The following CFAP53 variants were observed in gnomAD, a reference collection of about 807,000 sequenced individuals.
The protein encoded by CFAP53 is cilia and flagella associated protein 53, also known as cilia- and flagella-associated protein 53.
In CFAP53, 62 loss-of-function variants were observed where a neutral mutation model predicts 59.7. The observed-to-expected ratio is 1.04, with a 90% CI of 0.85 to 1.28. The LOEUF is 1.28. CFAP53 is among the 50% of genes most tolerant of loss of function. CFAP53 has a pLI of 0.00. For missense variants in CFAP53, 629 were observed against 615.6 expected, an observed-to-expected ratio of 1.02 and a Z score of -0.23; for synonymous variants, 218 against 205.7, an observed-to-expected ratio of 1.06 and a Z score of -0.51.
chr18:50,233,824 T>C (rs1250616307), intron 7 of CFAP53, among the ~76,000 whole-genome samples: 1 of 152,118 alleles, frequency 6.6e-6, no homozygotes, highest in Non-Finnish European at 1.5e-5. Flanking sequence ...ATAGAAGAAA[T>C]TACTAACAAG....
chr18:50,250,901 T>C lies in CFAP53; in HGVS notation c.853A>G (p.Arg285Gly), dbSNP rs1409783076. ...TGTAGGGCTTTTTGCAAAATGGTCC[T>C]AGTTTCCTGCTTTGCCTTCTGTTTC... ...LKKQKAKQET[R>G]TILQKALQER... The change falls in exon 5 of 8, where the codon AGG becomes GGG. Residue 285 changes from arginine to glycine, a missense_variant. Transcript: ENST00000398545. 2 of 1,614,228 alleles carry C rather than the reference T, an allele frequency of 1.2e-6. No homozygotes were observed. Among genetic ancestry groups the C allele is most frequent in the South Asian group, 2.2e-5 (2 of 91,084 alleles).
intron 1 of CFAP53, among the ~76,000 whole-genome samples, chr18:50,264,689 C>G (rs1599134499): frequency 6.6e-6 from 1 of 152,226 alleles, no homozygotes; most frequent in Admixed American, 6.5e-5. Flanking sequence ...TGCACCAACT[C>G]TAACCTCCTC....
At chr18:50,259,506 A>AG (rs1296398030) in intron 3 of CFAP53, among the ~76,000 whole-genome samples, 1 of 152,094 alleles carries the variant, frequency 6.6e-6, no homozygotes, top group East Asian at 1.9e-4. Context: ...TACCAAAAAA[A>AG]AAAAAAAGAA....
chr18:50,259,474 G>A (rs2033872186), intron 3 of CFAP53, among the ~76,000 whole-genome samples: 1 of 151,006 alleles, frequency 6.6e-6, no homozygotes, highest in Non-Finnish European at 1.5e-5. Flanking sequence ...GGTTGGGGGT[G>A]GAGGTGGGGA....
intron 5 of CFAP53, among the ~76,000 whole-genome samples, chr18:50,248,358 C>T (rs1210361913): frequency 6.6e-6 from 1 of 152,192 alleles, no homozygotes; most frequent in Non-Finnish European, 1.5e-5. Context: ...AACTGGATTG[C>T]TCATGTATTG....
chr18:50,227,427 T>TTTTG lies in CFAP53; in HGVS notation c.1495_1498dup (p.Asn500ThrfsTer13), dbSNP rs1568148478. 1 of 1,614,140 alleles carries TTTTG rather than the reference T, an allele frequency of 6.2e-7. No homozygotes were observed. Among genetic ancestry groups the TTTTG allele is most frequent in the Non-Finnish European group, 8.5e-7 (1 of 1,180,000 alleles). On this transcript the variant is annotated frameshift_variant, in exon 8 of 8. Transcript: ENST00000398545. LOFTEE classifies it high-confidence loss of function. ...GCATGCCTTGCGCATGGGATGAATG[T>TTTTG]TTTGAGGCAGCACTTGATGGGTGGA...
At chr18:50,236,181 G>A (rs976933803) in intron 7 of CFAP53, among the ~76,000 whole-genome samples, 1 of 152,164 alleles carries the variant, frequency 6.6e-6, no homozygotes, top group African/African-American at 2.4e-5. Flanking sequence ...CTACCTTGGT[G>A]TTATCAAGTA....
chr18:50,258,026 AG>A (rs1162901725), intron 3 of CFAP53, among the ~76,000 whole-genome samples: 3 of 152,180 alleles, frequency 2.0e-5, no homozygotes, highest in African/African-American at 7.2e-5. Flanking sequence ...CATACACTCC[AG>A]GCTGGACAAC....
intron 1 of CFAP53, among the ~76,000 whole-genome samples, chr18:50,266,024 T>C (rs1317693837): frequency 1.3e-5 from 2 of 152,162 alleles, no homozygotes; most frequent in Non-Finnish European, 2.9e-5. Context: ...CAGACATCCT[T>C]CCGGTGTCTT....
chr18:50,239,353 C>CAATAAATAAATA (rs544000478), intron 6 of CFAP53, among the ~76,000 whole-genome samples: 2 of 150,086 alleles, frequency 1.3e-5, no homozygotes, highest in African/African-American at 4.9e-5. Context: ...GACGCCGTCT[C>CAATAAATAAATA]AATAAATAAA....
chr18:50,229,873 A>T (rs1047973644), intron 7 of CFAP53, among the ~76,000 whole-genome samples: 1 of 151,208 alleles, frequency 6.6e-6, no homozygotes, highest in East Asian at 1.9e-4. Context: ...TCAGCATCCC[A>T]GGTATTTGGG....
In CFAP53 at chr18:50,227,385, G is replaced by A. The variant is rs199779499; in HGVS notation, c.1541C>T (p.Pro514Leu). 11 of 1,610,958 alleles carry A rather than the reference G, an allele frequency of 6.8e-6. No individual in the cohort carries two copies. The highest frequency in any genetic ancestry group is 4.5e-5 in the East Asian group (2 of 44,808). Residue 514 changes from proline (P) to leucine (L), a missense_variant, in exon 8 of 8, where the codon CCG (proline) becomes CTG (leucine). Coordinates refer to ENST00000398545, the MANE Select transcript of CFAP53 (RefSeq NM_145020.5). Reference protein sequence around the residue: ...MRKACPSKLPP With the variant: ...MRKACPSKLPL ...GATATATTGATGCTCACGGAACTAC[G>A]GTGGAAGCTTACTGGGGCATGCCTT...
At chr18:50,244,432 C>T (rs184652162) in intron 5 of CFAP53, among the ~76,000 whole-genome samples, 25 of 152,272 alleles carry the variant, frequency 1.6e-4, no homozygotes, top group African/African-American at 5.8e-4. Context: ...TGAGCCTTCC[C>T]CAGCCATGTG....
At chr18:50,259,294 T>C (rs1306992749) in intron 3 of CFAP53, among the ~76,000 whole-genome samples, 1 of 152,178 alleles carries the variant, frequency 6.6e-6, no homozygotes, top group Non-Finnish European at 1.5e-5. Flanking sequence ...AATCCAGTCA[T>C]TTATAACACT....
chr18:50,230,205 G>A (rs1032413601), intron 7 of CFAP53, among the ~76,000 whole-genome samples: 1 of 152,182 alleles, frequency 6.6e-6, no homozygotes. Flanking sequence ...AGTATCTTTT[G>A]TAATTCATAG....
rs756287422 is a variant in CFAP53 at position 50,249,515 on chromosome 18, C to CA, written c.996+1242dup. On this transcript the variant is annotated intron_variant, in intron 5 of 7. Transcript: ENST00000398545. The stretch of plus-strand genomic sequence containing the variant: ...CCTGAGTGACAGGGCAAGACTGTCT[C>CA]AAAAAAAAAAATTAAAAAAAAAGAA... 1.2e-3 allele frequency among the ~76,000 whole-genome samples: 145 copies of CA among 123,492 alleles called. 2 individuals are homozygous for CA. The highest frequency in any genetic ancestry group is 3.6e-3 in the East Asian group (16 of 4,504). The allele number at this position is 123,492 out of a possible 152,430, so 81.0% of individuals were successfully genotyped here. A position where few individuals can be genotyped will look rare whatever the true frequency, so the allele number is the denominator to read the frequency against.
chr18:50,251,433 T>C (rs749912653), intron 4 of CFAP53, 48 bp downstream of exon 4: 2 of 1,526,330 alleles, frequency 1.3e-6, no homozygotes, highest in Non-Finnish European at 1.8e-6. Flanking sequence ...CAAACTGTAC[T>C]ACACCCATGG....
intron 7 of CFAP53, among the ~76,000 whole-genome samples, chr18:50,235,165 G>A (rs2033620765): frequency 6.6e-6 from 1 of 152,186 alleles, no homozygotes; most frequent in South Asian, 2.1e-4. Flanking sequence ...CAAAGTATTA[G>A]AGGGCCCTCA....
chr18:50,248,702 T>C (rs941191019), intron 5 of CFAP53, among the ~76,000 whole-genome samples: 7 of 150,954 alleles, frequency 4.6e-5, no homozygotes, highest in Non-Finnish European at 8.8e-5. Context: ...GGAGAATCAC[T>C]TGAACCCGGG....
Sources: allele counts gnomAD v4.1 joint callset (sites outside exome capture counted in the v4.1 genomes callset), GRCh38; gene constraint gnomAD v4.1.1; transcripts MANE v1.5; gene names NCBI Gene and HGNC (gene_info 2026-07-23, HGNC 2026-07-21).